Variants in DNAAF1 observed in about 807,000 individuals in gnomAD.
DNAAF1 encodes the protein dynein axonemal assembly factor 1.
In DNAAF1, 65 loss-of-function variants were observed where a neutral mutation model predicts 71.1. That is an observed-to-expected ratio of 0.91 (90% CI 0.75 to 1.12). The LOEUF (loss-of-function observed/expected upper bound fraction) is 1.12, where lower values mean the gene tolerates loss of function less well. DNAAF1 is among the 50% of genes most tolerant of loss of function. DNAAF1 has a pLI of 0.00. For missense variants in DNAAF1, 1,178 were observed against 899.8 expected, an observed-to-expected ratio of 1.31 and a Z score of -3.96; for synonymous variants, 414 against 354.6, an observed-to-expected ratio of 1.17 and a Z score of -1.88.
Position 84,165,780 on chromosome 16 carries a change from C to G in DNAAF1, c.864-3C>G. ...TATTTATGTTTCTTTGTTTTTTAAA[C>G]AGAGCTTGTGCGGAGGCCTGGGCTA... On this transcript the variant is annotated splice_region_variant and splice_polypyrimidine_tract_variant and intron_variant, in intron 6 of 11. Coordinates refer to ENST00000378553, the MANE Select transcript of DNAAF1 (RefSeq NM_178452.6). 1.2e-6 allele frequency: 2 copies of G among 1,613,434 alleles called. No individual in the cohort carries two copies. The highest frequency in any genetic ancestry group is 1.3e-5 in the African/African-American group (1 of 74,926).
Position 84,145,492 on chromosome 16 carries a change from T to G in DNAAF1, c.52T>G (p.Cys18Gly). 1 of 1,571,598 alleles carries G rather than the reference T, an allele frequency of 6.4e-7. No individual in the cohort carries two copies. The highest frequency in any genetic ancestry group is 8.6e-7 in the Non-Finnish European group (1 of 1,158,374). The change falls in exon 1 of 12, where the codon TGC becomes GGC. Residue 18 changes from cysteine to glycine, a missense_variant. Physicochemically the swap from Cys to Gly is radical, Grantham distance 159. Transcript: ENST00000378553. The part of the protein sequence containing the change: ...PATGGAAELD[C>G]AQEPGVEESA... ...GACAGGTGGTGCAGCAGAGCTGGAT[T>G]GCGCGCAGGAGCCCGGCGTGGAGGA...
chr16:84,151,860 A>T (rs892007371), intron 3 of DNAAF1, among the ~76,000 whole-genome samples: 1 of 152,174 alleles, frequency 6.6e-6, no homozygotes, highest in Non-Finnish European at 1.5e-5. Context: ...GAGCCTCCCC[A>T]TGGCAGCTGG....
At chr16:84,171,261 A>G (rs2088325020) in intron 8 of DNAAF1, among the ~76,000 whole-genome samples, 1 of 152,090 alleles carries the variant, frequency 6.6e-6, no homozygotes, top group East Asian at 1.9e-4. Flanking sequence ...CATAGTGAGA[A>G]GCCCCCTTCC....
In DNAAF1 at chr16:84,150,360, G is replaced by T. The variant is rs771270530; in HGVS notation, c.352+18G>T. The T allele has an allele frequency of 1.3e-6, 2 of 1,563,252 alleles. No homozygotes were observed. The highest frequency in any genetic ancestry group is 1.1e-5 in the South Asian group (1 of 90,046). ...CTTTAAAGGTAAGGACCTAAGAGAG[G>T]AAGTGCTTCACGTCAGGTGGAAAGA... is the stretch of plus-strand genomic sequence containing the variant. On this transcript the variant is annotated intron_variant, in intron 3 of 11. Coordinates refer to ENST00000378553, the MANE Select transcript of DNAAF1 (RefSeq NM_178452.6).
intron 7 of DNAAF1, 32 bp from the exon 8 acceptor site, chr16:84,169,827 C>T (rs1450499079): frequency 6.2e-7 from 1 of 1,612,688 alleles, no homozygotes. Context: ...CCAGGACACT[C>T]CCACATTCAC....
chr16:84,158,647 G>A (rs2087554879), intron 5 of DNAAF1, among the ~76,000 whole-genome samples: 1 of 152,084 alleles, frequency 6.6e-6, no homozygotes, highest in South Asian at 2.1e-4. Context: ...TTGCTGCCTG[G>A]GTGTATTGCT....
intron 1 of DNAAF1, among the ~76,000 whole-genome samples, chr16:84,146,807 C>G (rs1199448580): frequency 1.3e-5 from 2 of 151,978 alleles, no homozygotes; most frequent in Non-Finnish European, 2.9e-5. Flanking sequence ...ACTTGGTGCC[C>G]TAAAGGAAAC....
rs146232082 is a variant in DNAAF1, at chr16:84,152,398, A to T, written c.352+2056A>T. Among the ~76,000 whole-genome samples the T allele has an allele frequency of 7.3e-3, 1,108 of 152,308 alleles. 16 individuals carry two copies. The highest frequency in any genetic ancestry group is 0.025 in the African/African-American group (1,053 of 41,562). On this transcript the variant is annotated intron_variant, in intron 3 of 11. Coordinates refer to ENST00000378553, the MANE Select transcript of DNAAF1 (RefSeq NM_178452.6). ...CCAGGCGTGGTGGCTCACGCCTGTGATCCCAGCAATGTGGGAGGCCAAGGC... is the reference window on the plus strand; with the variant it reads ...CCAGGCGTGGTGGCTCACGCCTGTGTTCCCAGCAATGTGGGAGGCCAAGGC...
chr16:84,153,685 G>C (rs961083103), intron 3 of DNAAF1, among the ~76,000 whole-genome samples: 1 of 152,162 alleles, frequency 6.6e-6, no homozygotes, highest in African/African-American at 2.4e-5. Flanking sequence ...GTAATAGTAG[G>C]TCAAGGCATG....
intron 9 of DNAAF1, 68 bp downstream of exon 9, chr16:84,172,443 C>G (rs2088413739): frequency 6.3e-7 from 1 of 1,582,910 alleles, no homozygotes; most frequent in Non-Finnish European, 8.6e-7. Context: ...TAATCAGATG[C>G]AGACTTTGGA....
chr16:84,174,720 C>G lies in DNAAF1; in HGVS notation c.1696C>G (p.Gln566Glu), dbSNP rs774381286. The G allele has an allele frequency of 1.5e-5, 25 of 1,614,076 alleles. No individual in the cohort carries two copies. Among genetic ancestry groups the G allele is most frequent in the African/African-American group, 4.0e-5 (3 of 74,940 alleles). Residue 566 changes from glutamine (Q) to glutamate (E), a missense_variant and splice_region_variant, in exon 10 of 12, where the codon CAG (glutamine) becomes GAG (glutamate). Transcript: ENST00000378553. Reference protein sequence around the residue: ...DDETGKSLEDQNMCFPKIEVI... With the variant: ...DDETGKSLEDENMCFPKIEVI... The stretch of plus-strand genomic sequence containing the variant: ...TGAAACAGGCAAATCTCTGGAAGAC[C>G]AGGTTAAGGTCATTAGAAACCATTT...
Position 84,150,324 on chromosome 16 carries a change from C to A in DNAAF1, c.334C>A (p.Leu112Met). The A allele has an allele frequency of 6.2e-7, 1 of 1,612,870 alleles. No individual in the cohort carries two copies. Among genetic ancestry groups the A allele is most frequent in the Non-Finnish European group, 8.5e-7 (1 of 1,178,846 alleles). ...TATTACCCCAGCATTGAATGATACG[C>A]TGTATTTACACTTTAAAGGTAAGGA... ...LYITPALNDT[L>M]YLHFKGFDRI... The change falls in exon 3 of 12, where the codon CTG (leucine) becomes ATG (methionine). Residue 112 changes from leucine (L) to methionine (M), a missense_variant. Leu to Met is a conservative substitution (Grantham distance 15, BLOSUM62 2). Coordinates refer to ENST00000378553, the MANE Select transcript of DNAAF1 (RefSeq NM_178452.6).
At chr16:84,147,891 C>A (rs983035894) in intron 1 of DNAAF1, among the ~76,000 whole-genome samples, 1 of 152,038 alleles carries the variant, frequency 6.6e-6, no homozygotes, top group African/African-American at 2.4e-5. Flanking sequence ...CATGGGGAAA[C>A]CCCGTCTCTA....
At chr16:84,157,136 T>C (rs549800942) in intron 5 of DNAAF1, among the ~76,000 whole-genome samples, 90 of 152,306 alleles carry the variant, frequency 5.9e-4, no homozygotes, top group African/African-American at 2.1e-3. Flanking sequence ...GAAACCTTTC[T>C]TTTTTTCAGT....
At chr16:84,176,530 TGGGCAGCC>T in intron 11 of DNAAF1, 2 of 639,832 alleles carry the variant, frequency 3.1e-6, no homozygotes, top group South Asian at 3.5e-5. Context: ...AGCCTCCTCT[TGGGCAGCC>T]GAGTCTGACT....
At chr16:84,163,375 CTCTT>C (rs773091872) in intron 6 of DNAAF1, among the ~76,000 whole-genome samples, 35 of 139,578 alleles carry the variant, frequency 2.5e-4, no homozygotes, top group South Asian at 1.1e-3. Flanking sequence ...CTCTCTCTCT[CTCTT>C]TTTCTTTTTT....
intron 6 of DNAAF1, among the ~76,000 whole-genome samples, chr16:84,162,687 C>T (rs1031459156): frequency 3.3e-5 from 5 of 151,986 alleles, no homozygotes; most frequent in East Asian, 3.9e-4. Context: ...GGTGTGGTGG[C>T]GGGCGCCTGT....
At chr16:84,165,673 C>T in intron 6 of DNAAF1, 110 bp from the exon 7 acceptor site, 1 of 1,057,704 alleles carries the variant, frequency 9.5e-7, no homozygotes, top group South Asian at 1.3e-5. Flanking sequence ...CTTGCAGTCA[C>T]ATGTCTGATG....
At chr16:84,160,309 A>G (rs2087639371) in intron 6 of DNAAF1, among the ~76,000 whole-genome samples, 1 of 152,132 alleles carries the variant, frequency 6.6e-6, no homozygotes, top group Admixed American at 6.5e-5. Context: ...CTTTATGAAT[A>G]TTCTGTCAGT....
Sources: allele counts gnomAD v4.1 joint callset (sites outside exome capture counted in the v4.1 genomes callset), GRCh38; gene constraint gnomAD v4.1.1; transcripts MANE v1.5; gene names NCBI Gene and HGNC (gene_info 2026-07-23, HGNC 2026-07-21).